The following AGAP1 variants were observed in gnomAD, a reference collection of about 807,000 sequenced individuals.
AGAP1 encodes arf-GAP with GTPase, ANK repeat and PH domain-containing protein 1.
In AGAP1, 29 loss-of-function variants were observed where a neutral mutation model predicts 105.3. The observed-to-expected ratio is 0.28, with a 90% confidence interval of 0.21 to 0.38. The LOEUF is 0.38. Ranked by LOEUF, AGAP1 falls within the 10% of genes least tolerant of loss-of-function variation. The pLI, the probability that AGAP1 is intolerant of heterozygous loss-of-function variation, is 1.00. For synonymous variants in AGAP1, 509 were observed against 485.9 expected (o/e 1.05, Z -0.63); for missense variants, 998 against 1,165.1 (o/e 0.86, Z 2.09).
intron 1 of AGAP1, among the ~76,000 whole-genome samples, chr2:235,680,438 G>A (rs924627342): frequency 6.6e-5 from 10 of 152,030 alleles, no homozygotes; most frequent in African/African-American, 2.4e-4. Context: ...AAGCACCCTC[G>A]TGTCCATTTG....
chr2:236,122,680 A>ATTTTTTTTTTTT (rs71039713), intron 17 of AGAP1, among the ~76,000 whole-genome samples: 2 of 123,608 alleles, frequency 1.6e-5, no homozygotes, highest in Non-Finnish European at 1.6e-5. Flanking sequence ...TCCAGTGACA[A>ATTTTTTTTTTTT]TTTTTTTTTT....
At chr2:235,796,385 G>A (rs749681425) in intron 6 of AGAP1, among the ~76,000 whole-genome samples, 1 of 152,154 alleles carries the variant, frequency 6.6e-6, no homozygotes, top group Non-Finnish European at 1.5e-5. Flanking sequence ...ATGGTTCTGA[G>A]ATGACAGAGT....
At chr2:235,896,143 G>A (rs1575723573) in intron 10 of AGAP1, among the ~76,000 whole-genome samples, 1 of 152,104 alleles carries the variant, frequency 6.6e-6, no homozygotes, top group East Asian at 1.9e-4. Context: ...CAGCATTCCA[G>A]TTTCTGTCTC....
intron 12 of AGAP1, among the ~76,000 whole-genome samples, chr2:235,949,894 C>G (rs1559684724): frequency 6.6e-6 from 1 of 152,330 alleles, no homozygotes; most frequent in Middle Eastern, 3.4e-3. Flanking sequence ...ACTCCCTCGC[C>G]TAGGCAAAAG....
At chr2:235,572,002 A>G (rs1177364437) in intron 1 of AGAP1, among the ~76,000 whole-genome samples, 2 of 115,292 alleles carry the variant, frequency 1.7e-5, no homozygotes, top group Non-Finnish European at 3.5e-5. Context: ...ACACACACAC[A>G]CTTTTTTTTT....
intron 1 of AGAP1, among the ~76,000 whole-genome samples, chr2:235,652,445 T>G (rs1056364940): frequency 6.6e-6 from 1 of 152,096 alleles, no homozygotes; most frequent in Non-Finnish European, 1.5e-5. Flanking sequence ...GTCACCTGTC[T>G]GTGGGTGACA....
chr2:235,570,811 A>C (rs555144995), intron 1 of AGAP1, among the ~76,000 whole-genome samples: 4 of 152,222 alleles, frequency 2.6e-5, no homozygotes, highest in Non-Finnish European at 5.9e-5. Context: ...GTGTGACACT[A>C]CGTGTAGGTG....
At position 235,788,239 on chromosome 2, in the gene AGAP1, A is replaced by C. The variant is rs890358705; in HGVS notation, c.674-9520A>C. Among the ~76,000 whole-genome samples the C allele has an allele frequency of 1.3e-5, 2 of 152,214 alleles. No homozygotes were observed. The highest frequency in any genetic ancestry group is 1.3e-4 in the Admixed American group (2 of 15,282). On this transcript the variant is annotated intron_variant, in intron 6 of 17. Coordinates refer to ENST00000304032, the MANE Select transcript of AGAP1 (RefSeq NM_001037131.3). The surrounding 1 kb of genome is among the most constrained non-coding windows in gnomAD (Gnocchi z 6.0). ...GCCAGCCGGAGACACAGGGTTCCAGACACAGCTTAATTCCTTCACGCTGGA... is the reference window on the plus strand; with the variant it reads ...GCCAGCCGGAGACACAGGGTTCCAGCCACAGCTTAATTCCTTCACGCTGGA...
intron 11 of AGAP1, among the ~76,000 whole-genome samples, chr2:235,921,398 G>A (rs940806600): frequency 2.0e-5 from 3 of 152,190 alleles, no homozygotes; most frequent in African/African-American, 7.2e-5. Flanking sequence ...TGTTAGACGA[G>A]ATTTTGGTGG....
Position 235,692,284 on chromosome 2 carries a change from C to T in AGAP1, c.164-16895C>T, listed in dbSNP as rs185039809. ...CTCTGGCCTCGCCTCTGTAACAGAACGTGGCCCCTGCCTTCCATCTTCCCC... is the reference window on the plus strand; with the variant it reads ...CTCTGGCCTCGCCTCTGTAACAGAATGTGGCCCCTGCCTTCCATCTTCCCC... On this transcript the variant is annotated intron_variant, in intron 1 of 17. Coordinates refer to ENST00000304032, the MANE Select transcript of AGAP1 (RefSeq NM_001037131.3). The surrounding 1 kb of genome is among the most constrained non-coding windows in gnomAD (Gnocchi z 5.8). 5.4e-4 allele frequency among the ~76,000 whole-genome samples: 82 copies of T among 152,262 alleles called. No individual in the cohort carries two copies. The highest frequency in any genetic ancestry group is 6.8e-3 in the Middle Eastern group (2 of 294).
intron 9 of AGAP1, among the ~76,000 whole-genome samples, chr2:235,871,830 C>G (rs2049459273): frequency 6.6e-6 from 1 of 152,156 alleles, no homozygotes; most frequent in Admixed American, 6.5e-5. Context: ...TAGTGTTATT[C>G]CCACTGATGC....
chr2:235,697,690 T>A, intron 1 of AGAP1, among the ~76,000 whole-genome samples: 1 of 152,238 alleles, frequency 6.6e-6, no homozygotes, highest in East Asian at 1.9e-4. Context: ...GATTTATTTG[T>A]GTCTATTATT....
rs2149710218 is a variant in AGAP1 at position 235,750,221 on chromosome 2, C to G, written c.539-133C>G. 6 of 1,317,428 alleles carry G rather than the reference C, an allele frequency of 4.6e-6. No homozygotes were observed. Among genetic ancestry groups the G allele is most frequent in the Middle Eastern group, 3.8e-4 (2 of 5,246 alleles). The allele number at this position is 1,317,428 out of a possible 1,614,324, so 81.6% of individuals were successfully genotyped here. On this transcript the variant is annotated intron_variant, in intron 5 of 17. Coordinates refer to ENST00000304032, the MANE Select transcript of AGAP1 (RefSeq NM_001037131.3). This position sits in a 1 kb window ranked among gnomAD's most constrained non-coding sequence, Gnocchi z 5.3. ...TCTTAGTTGGGAGGCAAACGATGCT[C>G]TACAATTCCAGATTCATAAACTAAT...
At position 235,683,686 on chromosome 2, in the gene AGAP1, T is replaced by C. The variant is rs1949213672; in HGVS notation, c.164-25493T>C. Among the ~76,000 whole-genome samples the C allele has an allele frequency of 2.0e-5, 3 of 151,424 alleles. 1 individual carries two copies. In the South Asian group the frequency reaches 6.2e-4, roughly 31 times the overall value. On this transcript the variant is annotated intron_variant, in intron 1 of 17. Coordinates refer to ENST00000304032, the MANE Select transcript of AGAP1 (RefSeq NM_001037131.3). ...TTTGAGGAGATGGCCTTGTTTTTTC[T>C]TTCTCTCTCTCTCTTTTTTTTTTTA...
intron 6 of AGAP1, among the ~76,000 whole-genome samples, chr2:235,766,100 G>A (rs1471014202): frequency 6.6e-6 from 1 of 152,182 alleles, no homozygotes; most frequent in Non-Finnish European, 1.5e-5. Context: ...GAAGCCATTG[G>A]CTACATTAAA....
chr2:235,536,494 CAG>C (rs1442258110), intron 1 of AGAP1, among the ~76,000 whole-genome samples: 3 of 116,512 alleles, frequency 2.6e-5, no homozygotes, highest in African/African-American at 6.6e-5. Flanking sequence ...CACACACACA[CAG>C]AGCAGGACTC....
rs1343886516 is a variant in AGAP1, at chr2:235,888,319, A to C, written c.1155+4870A>C. Among the ~76,000 whole-genome samples the C allele has an allele frequency of 6.6e-6, 1 of 151,952 alleles. No individual in the cohort carries two copies. The highest frequency in any genetic ancestry group is 1.5e-5 in the Non-Finnish European group (1 of 67,990). On this transcript the variant is annotated intron_variant, in intron 10 of 17. Coordinates refer to ENST00000304032, the MANE Select transcript of AGAP1 (RefSeq NM_001037131.3). The surrounding 1 kb of genome is among the most constrained non-coding windows in gnomAD (Gnocchi z 4.8). ...GTCTTTCTCCCTCTGTGACACAGGGATGTTCAGGCATAGTAGCTGATGTCA... is the reference window on the plus strand; with the variant it reads ...GTCTTTCTCCCTCTGTGACACAGGGCTGTTCAGGCATAGTAGCTGATGTCA...
intron 5 of AGAP1, among the ~76,000 whole-genome samples, chr2:235,745,815 AATAGTGTGGC>A (rs1952883094): frequency 6.6e-6 from 1 of 152,208 alleles, no homozygotes; most frequent in Non-Finnish European, 1.5e-5. Flanking sequence ...AGCCCAGATA[AATAGTGTGGC>A]ATAAACCACA....
chr2:235,499,356 A>G (rs971764882), intron 1 of AGAP1, among the ~76,000 whole-genome samples: 5 of 152,198 alleles, frequency 3.3e-5, no homozygotes, highest in African/African-American at 1.2e-4. Flanking sequence ...TCATGTGGAA[A>G]TGTATTTAGT....
Sources: allele counts gnomAD v4.1 joint callset (sites outside exome capture counted in the v4.1 genomes callset), GRCh38; gene constraint gnomAD v4.1.1; non-coding constraint Gnocchi (gnomAD v3.1); transcripts MANE v1.5; gene names NCBI Gene and HGNC (gene_info 2026-07-23, HGNC 2026-07-21).